Variants in ATL2 observed in about 807,000 individuals in gnomAD.
ATL2 encodes the protein atlastin-2.
Under a neutral mutation model 73.9 loss-of-function variants are expected in ATL2, and 31 were observed. The observed-to-expected ratio is 0.42, with a 90% CI of 0.32 to 0.57. The LOEUF (loss-of-function observed/expected upper bound fraction) is 0.57, where lower values mean the gene tolerates loss of function less well. Ranked by LOEUF, ATL2 falls within the 20% of genes least tolerant of loss-of-function variation. The pLI, the probability that ATL2 is intolerant of heterozygous loss-of-function variation, is 0.14. For synonymous variants in ATL2, 291 were observed against 237.5 expected (o/e 1.23, Z -2.07); for missense variants, 738 against 702.6 (o/e 1.05, Z -0.57).
intron 2 of ATL2, among the ~76,000 whole-genome samples, chr2:38,338,273 A>G (rs897518782): frequency 2.0e-5 from 3 of 152,312 alleles, no homozygotes; most frequent in Admixed American, 2.0e-4. Flanking sequence ...CACGTACACA[A>G]AGATGGCAAC....
intron 1 of ATL2, among the ~76,000 whole-genome samples, chr2:38,372,667 T>C (rs867365228): frequency 2.8e-4 from 42 of 152,220 alleles, no homozygotes; most frequent in Middle Eastern, 6.3e-3. Context: ...GAAGCATGAA[T>C]GATCACATCT....
chr2:38,352,465 A>G (rs577683415), intron 1 of ATL2, among the ~76,000 whole-genome samples: 1 of 152,294 alleles, frequency 6.6e-6, no homozygotes, highest in Admixed American at 6.5e-5. Flanking sequence ...GAAGAACTAG[A>G]GCACAAAGAT....
chr2:38,365,901 C>T (rs1041226252), intron 1 of ATL2, among the ~76,000 whole-genome samples: 5 of 151,804 alleles, frequency 3.3e-5, no homozygotes, highest in Non-Finnish European at 7.4e-5. Context: ...GAGCCAAGAT[C>T]GCGCCATTGC....
In ATL2 at chr2:38,300,262, C is replaced by G. The variant is rs750651024; in HGVS notation, c.1128+10G>C. ...ATATGTACAACACATATCACTCTCT[C>G]TCTCTCTACCTGAAGCATGGACTTT... is the stretch of plus-strand genomic sequence containing the variant. On this transcript the variant is annotated intron_variant, in intron 10 of 12. Transcript: ENST00000378954. The G allele has an allele frequency of 1.9e-6, 3 of 1,582,276 alleles. No homozygotes were observed. The South Asian group carries it at 3.3e-5, about 18-fold the overall frequency.
chr2:38,319,453 G>A (rs1668200065), intron 2 of ATL2, among the ~76,000 whole-genome samples: 1 of 151,886 alleles, frequency 6.6e-6, no homozygotes, highest in South Asian at 2.1e-4. Flanking sequence ...ACAAAAATTA[G>A]CCAGGCGTGG....
At chr2:38,354,035 T>G (rs752862956) in intron 1 of ATL2, 1 of 290,732 alleles carries the variant, frequency 3.4e-6, no homozygotes, top group African/African-American at 2.4e-5. Flanking sequence ...TCTATGAAAA[T>G]ACAAAAAATT....
intron 4 of ATL2, among the ~76,000 whole-genome samples, chr2:38,316,568 C>G (rs914912121): frequency 6.6e-6 from 1 of 152,090 alleles, no homozygotes; most frequent in Non-Finnish European, 1.5e-5. Flanking sequence ...AACTACCCCC[C>G]CCACCCAAAG....
chr2:38,296,793 TA>T, intron 12 of ATL2: 1 of 1,516,498 alleles, frequency 6.6e-7, no homozygotes, highest in Non-Finnish European at 8.9e-7. Context: ...TTACCTAAAC[TA>T]TACTGAAAAT....
At chr2:38,302,350 T>G (rs1299415289) in intron 9 of ATL2, among the ~76,000 whole-genome samples, 3 of 151,766 alleles carry the variant, frequency 2.0e-5, no homozygotes, top group Non-Finnish European at 4.4e-5. Context: ...TCCCAGCAAT[T>G]TGGGAGGCCA....
At chr2:38,297,127 A>C (rs1022458580) in intron 12 of ATL2, among the ~76,000 whole-genome samples, 2 of 152,350 alleles carry the variant, frequency 1.3e-5, no homozygotes, top group Admixed American at 6.5e-5. Context: ...ATTTCTCTAA[A>C]GAGTAAACAC....
intron 4 of ATL2, among the ~76,000 whole-genome samples, chr2:38,317,445 T>C (rs1468115191): frequency 3.3e-5 from 5 of 152,144 alleles, no homozygotes; most frequent in Admixed American, 2.0e-4. Flanking sequence ...TGGCCTAGCC[T>C]GAAGAAACTA....
At chr2:38,342,384 G>T (rs1052688701) in intron 2 of ATL2, among the ~76,000 whole-genome samples, 1 of 152,156 alleles carries the variant, frequency 6.6e-6, no homozygotes, top group Non-Finnish European at 1.5e-5. Flanking sequence ...GAGTTAGGAA[G>T]AGGATGTAAT....
At chr2:38,313,494 G>C (rs1220826653) in intron 6 of ATL2, among the ~76,000 whole-genome samples, 2 of 152,076 alleles carry the variant, frequency 1.3e-5, no homozygotes, top group Non-Finnish European at 2.9e-5. Context: ...ACCACAAGCA[G>C]TAATACAGGA....
chr2:38,370,161 AAAAAAAAAAAG>A (rs1413689556), intron 1 of ATL2, among the ~76,000 whole-genome samples: 1 of 149,128 alleles, frequency 6.7e-6, no homozygotes, highest in African/African-American at 2.5e-5. Context: ...AAAAAAAAAA[AAAAAAAAAAAG>A]AAAGAAAATC....
chr2:38,299,772 T>C (rs1284152882), intron 10 of ATL2, among the ~76,000 whole-genome samples: 3 of 152,056 alleles, frequency 2.0e-5, no homozygotes, highest in Non-Finnish European at 4.4e-5. Flanking sequence ...AATGGAAAAA[T>C]AGCCTAAAGT....
At chr2:38,348,274 C>G (rs1356114532) in intron 1 of ATL2, among the ~76,000 whole-genome samples, 1 of 151,864 alleles carries the variant, frequency 6.6e-6, no homozygotes, top group South Asian at 2.1e-4. Context: ...TAAGGCCAGC[C>G]TGACCAACAT....
At chr2:38,319,292 T>C (rs1668192014) in intron 2 of ATL2, among the ~76,000 whole-genome samples, 1 of 152,162 alleles carries the variant, frequency 6.6e-6, no homozygotes, top group South Asian at 2.1e-4. Flanking sequence ...TATACTCACT[T>C]TCCCCCTTTT....
chr2:38,320,027 G>C (rs1668233158), intron 2 of ATL2, among the ~76,000 whole-genome samples: 1 of 152,026 alleles, frequency 6.6e-6, no homozygotes, highest in African/African-American at 2.4e-5. Context: ...AGAATCACTT[G>C]AACCCGTGGG....
At chr2:38,320,401 G>C (rs1360619998) in intron 2 of ATL2, among the ~76,000 whole-genome samples, 1 of 152,154 alleles carries the variant, frequency 6.6e-6, no homozygotes, top group African/African-American at 2.4e-5. Context: ...GGAAAAAAGA[G>C]AACAGATAAA....
Sources: gnomAD v4.1 joint callset for allele counts (sites outside exome capture counted in the v4.1 genomes callset) on GRCh38, gnomAD v4.1.1 for gene constraint, MANE v1.5 for transcripts, NCBI Gene and HGNC (gene_info 2026-07-23, HGNC 2026-07-21) for gene names.